Variants in ASH1L observed in about 807,000 individuals in gnomAD.
The protein encoded by ASH1L is ASH1 like histone lysine methyltransferase.
ASH1L carries 23 observed loss-of-function variants against 269.0 expected under a neutral mutation model. The observed-to-expected ratio is 0.09, with a 90% confidence interval of 0.06 to 0.12. The LOEUF is 0.12. ASH1L is among the 10% of genes least tolerant of loss of function. ASH1L has a pLI of 1.00. For synonymous variants in ASH1L, 1,187 were observed against 1,253.5 expected (o/e 0.95, Z 1.12); for missense variants, 2,912 against 3,567.8 (o/e 0.82, Z 4.68).
At chr1:155,372,340 G>A (rs376115892) in intron 10 of ASH1L, among the ~76,000 whole-genome samples, 5 of 145,354 alleles carry the variant, frequency 3.4e-5, no homozygotes, top group Admixed American at 7.0e-5. Context: ...GCAAAGTCTC[G>A]CTCTGTCACC....
chr1:155,533,580 G>C (rs1045561034), intron 1 of ASH1L, among the ~76,000 whole-genome samples: 2 of 151,792 alleles, frequency 1.3e-5, no homozygotes, highest in African/African-American at 2.4e-5. Context: ...CAGGCGTGGT[G>C]GTGTGCACCT....
chr1:155,459,787 T>A lies in ASH1L; in HGVS notation c.5086+10A>T. ...TATCTTGAAAATCTGGTAAAACAAA[T>A]AGCACTAGCCTGTTGAAGAAGTACT... is the stretch of plus-strand genomic sequence containing the variant. On this transcript the variant is annotated intron_variant, in intron 4 of 27. Coordinates refer to ENST00000392403, the MANE Select transcript of ASH1L (RefSeq NM_018489.3). 1 of 1,601,194 alleles carries A rather than the reference T, an allele frequency of 6.2e-7. No individual in the cohort carries two copies. Among genetic ancestry groups the A allele is most frequent in the Non-Finnish European group, 8.5e-7 (1 of 1,169,706 alleles).
intron 12 of ASH1L, among the ~76,000 whole-genome samples, chr1:155,365,078 C>G (rs560070080): frequency 2.6e-5 from 4 of 152,158 alleles, no homozygotes; most frequent in Non-Finnish European, 5.9e-5. Context: ...AGAACCCTCC[C>G]TTGGAGTCTG....
intron 4 of ASH1L, among the ~76,000 whole-genome samples, chr1:155,448,741 C>T (rs1395732723): frequency 1.3e-5 from 2 of 152,034 alleles, no homozygotes; most frequent in Non-Finnish European, 2.9e-5. Context: ...GTCATCTGCC[C>T]GCCTCGGCCT....
chr1:155,508,614 T>C (rs1667970041), intron 2 of ASH1L, among the ~76,000 whole-genome samples: 1 of 152,204 alleles, frequency 6.6e-6, no homozygotes, highest in South Asian at 2.1e-4. Flanking sequence ...CACTCCAGCC[T>C]GTATGACACA....
intron 15 of ASH1L, among the ~76,000 whole-genome samples, chr1:155,355,933 TTTTTG>T (rs1214743173): frequency 6.8e-6 from 1 of 146,704 alleles, no homozygotes; most frequent in Non-Finnish European, 1.5e-5. Flanking sequence ...TTTTTTTTGC[TTTTTG>T]TTTTTTTTTG....
intron 21 of ASH1L, chr1:155,344,721 T>C (rs758085246): frequency 1.5e-4 from 24 of 157,662 alleles, no homozygotes; most frequent in Non-Finnish European, 2.9e-4. Flanking sequence ...TAAAAATGAC[T>C]TGCCCAAAAT....
At chr1:155,525,179 C>T (rs546607593) in intron 1 of ASH1L, among the ~76,000 whole-genome samples, 1 of 151,850 alleles carries the variant, frequency 6.6e-6, no homozygotes, top group East Asian at 1.9e-4. Flanking sequence ...CCTAGGAAAT[C>T]GAGGCTGCAG....
intron 17 of ASH1L, among the ~76,000 whole-genome samples, chr1:155,351,887 A>AAATT (rs796996087): frequency 6.0e-5 from 9 of 151,038 alleles, no homozygotes; most frequent in African/African-American, 1.9e-4. Flanking sequence ...ATAAATAAAT[A>AAATT]AATTAATTAC....
intron 4 of ASH1L, among the ~76,000 whole-genome samples, chr1:155,439,642 G>GCC (rs1267105600): frequency 2.6e-5 from 4 of 152,112 alleles, no homozygotes; most frequent in African/African-American, 9.7e-5. Context: ...CGAGGCTGCA[G>GCC]TGAGTCACTG....
At position 155,480,429 on chromosome 1, in the gene ASH1L, C is replaced by T; in HGVS notation, c.2441G>A (p.Cys814Tyr). ...ATCAGACAAAAGGTCACTAGAGACACACATACTGGAGGATAGTTTGTGAGT... is the reference window on the plus strand; with the variant it reads ...ATCAGACAAAAGGTCACTAGAGACATACATACTGGAGGATAGTTTGTGAGT... Reference protein sequence around the residue: ...FATHKLSSSMCVSSDLLSDIY... With the variant: ...FATHKLSSSMYVSSDLLSDIY... The change falls in exon 3 of 28, where the codon TGT (cysteine) becomes TAT (tyrosine). Residue 814 changes from cysteine to tyrosine, a missense_variant. This residue lies in a region of ASH1L where 715 missense variants were observed against 721.0 expected (regional missense o/e 0.99). Transcript: ENST00000392403. 1.9e-6 allele frequency: 3 copies of T among 1,614,106 alleles called. No homozygotes were observed. The highest frequency in any genetic ancestry group is 1.7e-6 in the Non-Finnish European group (2 of 1,179,978).
At chr1:155,524,747 G>A (rs1288557768) in intron 1 of ASH1L, among the ~76,000 whole-genome samples, 2 of 152,060 alleles carry the variant, frequency 1.3e-5, no homozygotes, top group East Asian at 3.9e-4. Context: ...GGCCGAGGTG[G>A]GAAGATGGTT....
At chr1:155,539,925 G>A (rs1397956365) in intron 1 of ASH1L, among the ~76,000 whole-genome samples, 2 of 151,968 alleles carry the variant, frequency 1.3e-5, no homozygotes, top group Non-Finnish European at 2.9e-5. Flanking sequence ...AAATCAGCTA[G>A]GTGTTGTGGC....
intron 4 of ASH1L, among the ~76,000 whole-genome samples, chr1:155,451,311 G>A (rs542050170): frequency 6.6e-6 from 1 of 152,264 alleles, no homozygotes; most frequent in African/African-American, 2.4e-5. Context: ...TTCCACTTTA[G>A]TGGGTGATTG....
At chr1:155,423,025 G>C (rs760000667) in intron 5 of ASH1L, among the ~76,000 whole-genome samples, 3 of 149,746 alleles carry the variant, frequency 2.0e-5, no homozygotes, top group Non-Finnish European at 4.4e-5. Flanking sequence ...TCGGCTCTCT[G>C]TAAGCTCTGC....
chr1:155,430,380 T>C (rs190157220), intron 5 of ASH1L, among the ~76,000 whole-genome samples: 52 of 152,252 alleles, frequency 3.4e-4, no homozygotes, highest in Middle Eastern at 3.4e-3. Flanking sequence ...GAAGTTAAAA[T>C]TGGGTCTGAT....
chr1:155,420,125 C>T (rs1660546918), intron 5 of ASH1L, among the ~76,000 whole-genome samples: 1 of 152,016 alleles, frequency 6.6e-6, no homozygotes, highest in African/African-American at 2.4e-5. Flanking sequence ...TGAGACCAGC[C>T]TGGTGAACAT....
rs566033219 is a variant in ASH1L, at chr1:155,451,015, T to C, written c.5086+8782A>G. 2.6e-5 allele frequency among the ~76,000 whole-genome samples: 4 copies of C among 151,528 alleles called. No individual in the cohort carries two copies. The South Asian group carries it at 8.4e-4, about 32-fold the overall frequency. ...GAGTCTGAGACCAGCCTGACCAGCA[T>C]GAAGAAACCCTATCTCTACTAAAAA... On this transcript the variant is annotated intron_variant, in intron 4 of 27. Coordinates refer to ENST00000392403, the MANE Select transcript of ASH1L (RefSeq NM_018489.3).
At chr1:155,447,747 T>C (rs1177274395) in intron 4 of ASH1L, among the ~76,000 whole-genome samples, 1 of 152,192 alleles carries the variant, frequency 6.6e-6, no homozygotes, top group Non-Finnish European at 1.5e-5. Context: ...TGAATTTACA[T>C]ATTCTGGTTA....
Sources: gnomAD v4.1 joint callset for allele counts (sites outside exome capture counted in the v4.1 genomes callset) on GRCh38, gnomAD v4.1.1 for gene constraint, gnomAD v4.1.1 regional missense constraint, MANE v1.5 for transcripts, NCBI Gene and HGNC (gene_info 2026-07-23, HGNC 2026-07-21) for gene names.